ZZEF1: variants seen among roughly 807,000 people sequenced by gnomAD.
ZZEF1 encodes zinc finger ZZ-type and EF-hand domain-containing protein 1.
ZZEF1 carries 157 observed loss-of-function variants against 342.8 expected under a neutral mutation model. The ratio of observed to expected loss-of-function variants is 0.46; its 90% CI spans 0.40 to 0.52. The LOEUF (loss-of-function observed/expected upper bound fraction) is 0.52. ZZEF1 is among the 20% of genes least tolerant of loss of function. The probability of loss-of-function intolerance (pLI) is 0.00; values close to 1 mark genes in which losing one functional copy is unlikely to be tolerated. For missense variants in ZZEF1, 3,480 were observed against 3,725.6 expected (o/e 0.93, Z 1.72); for synonymous variants, 1,505 against 1,429.1 (o/e 1.05, Z -1.20).
chr17:4,115,202 T>G (rs1309283100), intron 3 of ZZEF1, among the ~76,000 whole-genome samples: 1 of 152,048 alleles, frequency 6.6e-6, no homozygotes, highest in East Asian at 1.9e-4. Context: ...TTTTAAAAAT[T>G]TTTTGGAGAG....
chr17:4,137,827 G>A (rs2145620471), intron 1 of ZZEF1, among the ~76,000 whole-genome samples: 1 of 152,324 alleles, frequency 6.6e-6, no homozygotes, highest in Admixed American at 6.5e-5. Flanking sequence ...CTCAGCTGTA[G>A]GGCTGAAAAC....
chr17:4,124,491 G>A (rs943015465), intron 1 of ZZEF1, among the ~76,000 whole-genome samples: 3 of 152,240 alleles, frequency 2.0e-5, no homozygotes, highest in Admixed American at 1.3e-4. Flanking sequence ...CGCCCAGGCC[G>A]GAGTGCAGTG....
At chr17:4,042,304 A>G (rs2056819616) in intron 39 of ZZEF1, 125 bp downstream of exon 39, 1 of 1,052,130 alleles carries the variant, frequency 9.5e-7, no homozygotes, top group East Asian at 2.4e-5. Context: ...GAAAATAATT[A>G]TAACTTCTAA....
rs754532145 is a variant in ZZEF1 at position 4,074,287 on chromosome 17, T to C, written c.3548A>G (p.Glu1183Gly). 3.1e-6 allele frequency: 5 copies of C among 1,614,086 alleles called. No individual in the cohort carries two copies. The highest frequency in any genetic ancestry group is 4.2e-6 in the Non-Finnish European group (5 of 1,180,018). Reference protein sequence around the residue: ...FLFHSDSSHNEWGYKFTVTAC... With the variant: ...FLFHSDSSHNGWGYKFTVTAC... ...AGTGACAGTGAATTTGTAGCCCCAT[T>C]CGTTGTGACTGCTGTCAGAGTGAAA... The change falls in exon 24 of 55, where the codon GAA (glutamate) becomes GGA (glycine). Residue 1183 changes from glutamate (E) to glycine (G), a missense_variant. This residue lies in a region of ZZEF1 where 1,528 missense variants were observed against 1,624.1 expected (regional missense o/e 0.94). Coordinates refer to ENST00000381638, the MANE Select transcript of ZZEF1 (RefSeq NM_015113.4).
In ZZEF1 at chr17:4,113,145, A is replaced by C. The variant is rs371338750; in HGVS notation, c.867-337T>G. On this transcript the variant is annotated intron_variant, in intron 4 of 54. Transcript: ENST00000381638. ...ACAAAAAAACTGAGTATACTCTCTC[A>C]TCTATAAATTAGATGTCTAAAGGTC... Among the ~76,000 whole-genome samples the C allele has an allele frequency of 5.4e-4, 82 of 152,378 alleles. No homozygotes were observed. The Middle Eastern group carries it at 0.014, about 25-fold the overall frequency.
intron 36 of ZZEF1, 117 bp from the exon 37 acceptor site, chr17:4,049,976 C>T (rs2057010564): frequency 1.7e-6 from 2 of 1,195,760 alleles, no homozygotes; most frequent in Non-Finnish European, 2.3e-6. Context: ...TCTGCACAAA[C>T]CAAATCCTAG....
Position 4,074,242 on chromosome 17 carries a change from A to C in ZZEF1, c.3593T>G (p.Val1198Gly). The part of the protein sequence containing the change: ...FTVTACGLPD[V>G]AVSWGLDLQL... ...TAAATCCAGCCCCCAAGACACGGCAACATCGGGCAGCCCACAGGCAGTGAC... is the reference window on the plus strand; with the variant it reads ...TAAATCCAGCCCCCAAGACACGGCACCATCGGGCAGCCCACAGGCAGTGAC... The change falls in exon 24 of 55, where the codon GTT becomes GGT. Residue 1198 changes from valine (V) to glycine (G), a missense_variant. By Grantham distance (109) the Val-to-Gly change is moderately radical. Transcript: ENST00000381638. The C allele has an allele frequency of 6.2e-7, 1 of 1,614,192 alleles. No individual in the cohort carries two copies. Among genetic ancestry groups the C allele is most frequent in the South Asian group, 1.1e-5 (1 of 91,076 alleles).
chr17:4,131,943 G>C (rs560374325), intron 1 of ZZEF1, among the ~76,000 whole-genome samples: 2 of 152,272 alleles, frequency 1.3e-5, no homozygotes, highest in African/African-American at 4.8e-5. Context: ...GAAGGTAAAA[G>C]ACAACTCAAG....
rs2144951323 is a variant in ZZEF1, at chr17:4,016,231, AG to A, written c.8145+91del. On this transcript the variant is annotated intron_variant, in intron 49 of 54. Transcript: ENST00000381638. The surrounding 1 kb of genome is among the most constrained non-coding windows in gnomAD (Gnocchi z 4.4). ...GCTGTCCAGCGGGAGAGAGCCACAGAGGGGCTGAGCATGGAGGGGCTGAGCA... is the reference window on the plus strand; with the variant it reads ...GCTGTCCAGCGGGAGAGAGCCACAGAGGGCTGAGCATGGAGGGGCTGAGCA... 4.1e-6 allele frequency: 6 copies of A among 1,456,202 alleles called. No individual in the cohort carries two copies. In the South Asian group the frequency reaches 8.1e-5, roughly 20 times the overall value. 90.2% of individuals were successfully genotyped at this position (1,456,202 alleles called of 1,614,324 possible). A position where few individuals can be genotyped will look rare whatever the true frequency, so the allele number is the denominator to read the frequency against.
chr17:4,051,106 G>A (rs1226473098), intron 35 of ZZEF1, 63 bp from the exon 36 acceptor site: 1 of 1,612,204 alleles, frequency 6.2e-7, no homozygotes, highest in Admixed American at 1.7e-5. Context: ...CTCCAAACAG[G>A]AGCACAGGGC....
intron 9 of ZZEF1, among the ~76,000 whole-genome samples, chr17:4,100,769 A>C (rs2058114314): frequency 6.6e-6 from 1 of 152,186 alleles, no homozygotes; most frequent in Non-Finnish European, 1.5e-5. Context: ...CGGGAGGAGG[A>C]GGTTGCAGTG....
Position 4,021,120 on chromosome 17 carries a change from A to G in ZZEF1, c.7404+9T>C. 1 of 1,604,632 alleles carries G rather than the reference A, an allele frequency of 6.2e-7. No homozygotes were observed. Among genetic ancestry groups the G allele is most frequent in the African/African-American group, 1.3e-5 (1 of 74,744 alleles). ...CCCTCCTAAGCCACAAGATGACTCAAGAACACACCAAGAAACATATTCTGG... is the reference window on the plus strand; with the variant it reads ...CCCTCCTAAGCCACAAGATGACTCAGGAACACACCAAGAAACATATTCTGG... On this transcript the variant is annotated intron_variant, in intron 45 of 54. Coordinates refer to ENST00000381638, the MANE Select transcript of ZZEF1 (RefSeq NM_015113.4).
At chr17:4,051,484 A>T (rs1026981893) in intron 35 of ZZEF1, among the ~76,000 whole-genome samples, 1 of 152,120 alleles carries the variant, frequency 6.6e-6, no homozygotes, top group Non-Finnish European at 1.5e-5. Flanking sequence ...GCAGTGGCGC[A>T]GTCTCAGCTC....
chr17:4,136,960 G>C (rs1338549223), intron 1 of ZZEF1, among the ~76,000 whole-genome samples: 1 of 152,056 alleles, frequency 6.6e-6, no homozygotes, highest in Non-Finnish European at 1.5e-5. Flanking sequence ...ACTGGAGTGG[G>C]CTTAGGATGG....
At chr17:4,007,204 C>T (rs1045794338) in intron 54 of ZZEF1, among the ~76,000 whole-genome samples, 5 of 152,226 alleles carry the variant, frequency 3.3e-5, no homozygotes, top group Non-Finnish European at 5.9e-5. Flanking sequence ...AGTCCCAGGG[C>T]GGAGGCTCAG....
At chr17:4,080,976 C>T (rs1429569189) in intron 18 of ZZEF1, among the ~76,000 whole-genome samples, 2 of 152,138 alleles carry the variant, frequency 1.3e-5, no homozygotes, top group African/African-American at 4.8e-5. Flanking sequence ...GTGGCTCACA[C>T]CTATAATCCC....
intron 33 of ZZEF1, among the ~76,000 whole-genome samples, chr17:4,054,690 C>T (rs774498193): frequency 6.6e-6 from 1 of 152,048 alleles, no homozygotes; most frequent in Admixed American, 6.6e-5. Context: ...CCACAAAGGG[C>T]CTTGCATATC....
rs529492725 is a variant in ZZEF1 at position 4,048,522 on chromosome 17, T to C, written c.6015+1186A>G. Reference sequence around the variant, plus strand: ...CAGCATCATAGAAACAATGGCGTGCTCTTCCATAAAACAATCTTTAGTGCC... The same window carrying C: ...CAGCATCATAGAAACAATGGCGTGCCCTTCCATAAAACAATCTTTAGTGCC... On this transcript the variant is annotated intron_variant, in intron 37 of 54. Transcript: ENST00000381638. 3.3e-5 allele frequency among the ~76,000 whole-genome samples: 5 copies of C among 152,312 alleles called. No individual in the cohort carries two copies. The East Asian group carries it at 9.6e-4, about 29-fold the overall frequency.
chr17:4,082,699 G>A (rs2057746771), intron 16 of ZZEF1, among the ~76,000 whole-genome samples, 195 bp from the exon 17 acceptor site: 1 of 152,160 alleles, frequency 6.6e-6, no homozygotes, highest in Non-Finnish European at 1.5e-5. Context: ...TAAATACAAG[G>A]TGGTAGGTGC....
Sources: gnomAD v4.1 joint callset for allele counts (sites outside exome capture counted in the v4.1 genomes callset) on GRCh38, gnomAD v4.1.1 for gene constraint, gnomAD v4.1.1 regional missense constraint, Gnocchi (gnomAD v3.1) non-coding constraint, MANE v1.5 for transcripts, NCBI Gene and HGNC (gene_info 2026-07-23, HGNC 2026-07-21) for gene names.